Variants in SIL1 observed in about 807,000 individuals in gnomAD.
The protein encoded by SIL1 is nucleotide exchange factor SIL1.
In SIL1, 40 loss-of-function variants were observed where a neutral mutation model predicts 49.1. The observed-to-expected ratio is 0.81, with a 90% CI of 0.63 to 1.06. The LOEUF is 1.06. Among genes scored for constraint, SIL1 ranks in the 50% least tolerant of loss-of-function variants. The pLI, the probability that SIL1 is intolerant of heterozygous loss-of-function variation, is 0.00. For missense variants in SIL1, 500 were observed against 572.6 expected (o/e 0.87, Z 1.29); for synonymous variants, 253 against 250.8 (o/e 1.01, Z -0.08).
chr5:139,197,311 C>G (rs1038051437), intron 1 of SIL1, among the ~76,000 whole-genome samples: 1 of 148,834 alleles, frequency 6.7e-6, no homozygotes, highest in Non-Finnish European at 1.5e-5. Context: ...AAACACATCA[C>G]TTTCTTCTCT....
intron 3 of SIL1, among the ~76,000 whole-genome samples, chr5:139,113,102 G>A (rs1770905854): frequency 6.6e-6 from 1 of 151,754 alleles, no homozygotes; most frequent in African/African-American, 2.4e-5. Context: ...AAGGCAGCAT[G>A]CTCGTTAAGA....
At chr5:139,126,701 C>G (rs1232902883) in intron 2 of SIL1, among the ~76,000 whole-genome samples, 1 of 152,252 alleles carries the variant, frequency 6.6e-6, no homozygotes, top group Non-Finnish European at 1.5e-5. Flanking sequence ...ATGTTTTCCC[C>G]TGCTCCACGA....
At chr5:139,195,093 C>T (rs970734426) in intron 1 of SIL1, among the ~76,000 whole-genome samples, 5 of 151,914 alleles carry the variant, frequency 3.3e-5, no homozygotes, top group African/African-American at 7.3e-5. Flanking sequence ...CCACCACGCC[C>T]GGCTAATTTT....
At chr5:139,095,184 C>G (rs995747570) in intron 3 of SIL1, among the ~76,000 whole-genome samples, 1 of 151,798 alleles carries the variant, frequency 6.6e-6, no homozygotes, top group African/African-American at 2.4e-5. Flanking sequence ...AGAAATGAGT[C>G]AGTAAGTCTA....
chr5:139,159,106 A>C (rs940007939), intron 1 of SIL1, among the ~76,000 whole-genome samples: 1 of 149,652 alleles, frequency 6.7e-6, no homozygotes, highest in East Asian at 2.0e-4. Flanking sequence ...AGAGAGAGGG[A>C]AAAAAAAAAA....
In SIL1 at chr5:138,983,425, G is replaced by A. The variant is rs558468693; in HGVS notation, c.768-31541C>T. On this transcript the variant is annotated intron_variant, in intron 7 of 9. Transcript: ENST00000394817. The stretch of plus-strand genomic sequence containing the variant: ...CGGGAGGCTGAGGCAGGAGAATGGC[G>A]TGAACCCGGGCGGAGGAGCTTGCAG... Among the ~76,000 whole-genome samples, 326 of 150,754 alleles carry A rather than the reference G, an allele frequency of 2.2e-3. 7 individuals are homozygous for A. Among genetic ancestry groups the A allele is most frequent in the Non-Finnish European group, 8.9e-4 (60 of 67,678 alleles).
At chr5:139,132,505 G>A (rs192491660) in intron 1 of SIL1, among the ~76,000 whole-genome samples, 39 of 152,278 alleles carry the variant, frequency 2.6e-4, no homozygotes, top group Non-Finnish European at 4.4e-4. Context: ...ACAAAACAGG[G>A]AGAGAGAATG....
intron 7 of SIL1, among the ~76,000 whole-genome samples, chr5:138,972,267 G>A (rs1290919391): frequency 2.0e-5 from 3 of 152,178 alleles, no homozygotes; most frequent in Non-Finnish European, 4.4e-5. Context: ...AGTTCTTTCT[G>A]CCACCATTAC....
chr5:139,171,149 A>C (rs921449486), intron 1 of SIL1, among the ~76,000 whole-genome samples: 41 of 148,726 alleles, frequency 2.8e-4, no homozygotes, highest in African/African-American at 9.4e-4. Context: ...CGCCGCCCCT[A>C]CTGGGATGTG....
At chr5:139,111,375 A>G (rs1243562698) in intron 3 of SIL1, among the ~76,000 whole-genome samples, 5 of 152,294 alleles carry the variant, frequency 3.3e-5, no homozygotes, top group African/African-American at 1.2e-4. Context: ...ACTTTGCCCC[A>G]TCAATGATCT....
At chr5:139,193,467 C>T (rs1454606142) in intron 1 of SIL1, among the ~76,000 whole-genome samples, 1 of 152,004 alleles carries the variant, frequency 6.6e-6, no homozygotes, top group Non-Finnish European at 1.5e-5. Context: ...ACTCAGGAGG[C>T]TGAAGCACAA....
chr5:139,170,822 T>C (rs1424516324), intron 1 of SIL1, among the ~76,000 whole-genome samples: 1 of 118,708 alleles, frequency 8.4e-6, no homozygotes, highest in Non-Finnish European at 1.8e-5. Context: ...GGGAGGGAGG[T>C]GGGGGGGTCA....
chr5:139,133,042 C>G (rs73790614), intron 1 of SIL1, among the ~76,000 whole-genome samples: 1 of 140,766 alleles, frequency 7.1e-6, no homozygotes, highest in Non-Finnish European at 1.5e-5. Flanking sequence ...TTCACCTGAT[C>G]AATGGCCCCT....
At chr5:139,108,049 C>G (rs1423720853) in intron 3 of SIL1, 2 of 152,240 alleles carry the variant, frequency 1.3e-5, no homozygotes, top group African/African-American at 2.4e-5. Context: ...TGCCAAAATA[C>G]AATCTGGGCT....
intron 1 of SIL1, among the ~76,000 whole-genome samples, chr5:139,138,131 A>G (rs1032730844): frequency 3.4e-5 from 4 of 116,020 alleles, no homozygotes; most frequent in African/African-American, 8.1e-5. Flanking sequence ...AGTGCCAGGC[A>G]CACACACACA....
At chr5:139,014,364 T>C (rs1446675024) in intron 7 of SIL1, 2 of 116,162 alleles carry the variant, frequency 1.7e-5, no homozygotes, top group Admixed American at 8.1e-5. Context: ...TGAAACTTCG[T>C]CTCAAAAAAA....
chr5:139,185,461 C>G (rs1335077463), intron 1 of SIL1, among the ~76,000 whole-genome samples: 2 of 152,164 alleles, frequency 1.3e-5, no homozygotes, highest in Non-Finnish European at 2.9e-5. Flanking sequence ...AAGAAATATT[C>G]TGTAGGAACT....
rs1026415990 is a variant in SIL1, at chr5:138,948,273, G to A, written c.1030-800C>T. Among the ~76,000 whole-genome samples, 3 of 152,144 alleles carry A rather than the reference G, an allele frequency of 2.0e-5. No individual in the cohort carries two copies. Among genetic ancestry groups the A allele is most frequent in the African/African-American group, 7.2e-5 (3 of 41,440 alleles). On this transcript the variant is annotated intron_variant, in intron 9 of 9. Transcript: ENST00000394817. This position sits in a 1 kb window ranked among gnomAD's most constrained non-coding sequence, Gnocchi z 4.8. ...GGCTGGCAGAGGAAACTGAGGAGGG[G>A]TGCAATCCTGCATCCTGGGACAGGA... is the stretch of plus-strand genomic sequence containing the variant.
intron 5 of SIL1, chr5:139,034,461 C>T (rs539432992): frequency 1.6e-4 from 24 of 151,764 alleles, no homozygotes; most frequent in African/African-American, 5.1e-4. Context: ...TATATAATTC[C>T]TTTTTGGATT....
Sources: allele counts gnomAD v4.1 joint callset (sites outside exome capture counted in the v4.1 genomes callset), GRCh38; gene constraint gnomAD v4.1.1; non-coding constraint Gnocchi (gnomAD v3.1); transcripts MANE v1.5; gene names NCBI Gene and HGNC (gene_info 2026-07-23, HGNC 2026-07-21).